LHFPL3: variants seen among roughly 807,000 people sequenced by gnomAD.
LHFPL3 encodes LHFPL tetraspan subfamily member 3.
A neutral mutation model predicts 19.3 loss-of-function variants in LHFPL3; 5 were observed. That is an observed-to-expected ratio of 0.26 (90% CI 0.14 to 0.54). LHFPL3 has a LOEUF of 0.54. Among genes scored for constraint, LHFPL3 ranks in the 20% least tolerant of loss-of-function variants. LHFPL3 has a pLI of 0.94. For synonymous variants in LHFPL3, 133 were observed against 126.2 expected, an observed-to-expected ratio of 1.05 and a Z score of -0.36; for missense variants, 249 against 307.4, an observed-to-expected ratio of 0.81 and a Z score of 1.42.
At chr7:104,814,642 C>T (rs74471943) in intron 2 of LHFPL3, among the ~76,000 whole-genome samples, 2 of 152,202 alleles carry the variant, frequency 1.3e-5, no homozygotes, top group East Asian at 1.9e-4. Flanking sequence ...CCTTTCATGA[C>T]ATCCAGGCTA....
intron 2 of LHFPL3, among the ~76,000 whole-genome samples, chr7:104,800,358 A>G (rs1484337838): frequency 6.6e-6 from 1 of 152,160 alleles, no homozygotes; most frequent in Admixed American, 6.6e-5. Flanking sequence ...TCTGGAGAGT[A>G]AGTGCGATCT....
intron 2 of LHFPL3, among the ~76,000 whole-genome samples, chr7:104,842,630 C>T (rs1420780194): frequency 1.3e-5 from 2 of 152,140 alleles, no homozygotes; most frequent in Admixed American, 6.6e-5. Context: ...AAAATAATGA[C>T]CTTCTTCATC....
In LHFPL3 at chr7:104,399,079, T is replaced by A. The variant is rs1382169093; in HGVS notation, c.445+69855T>A. Among the ~76,000 whole-genome samples the A allele has an allele frequency of 1.3e-5, 2 of 152,142 alleles. No homozygotes were observed. Among genetic ancestry groups the A allele is most frequent in the Non-Finnish European group, 2.9e-5 (2 of 68,018 alleles). The stretch of plus-strand genomic sequence containing the variant: ...GGGCAAACGCTAGTTTCCAGAAAGT[T>A]CCTGTGTGCTACTGAAAGACACACA... On this transcript the variant is annotated intron_variant, in intron 1 of 2. Coordinates refer to ENST00000424859, the MANE Select transcript of LHFPL3 (RefSeq NM_199000.3). This position sits in a 1 kb window ranked among gnomAD's most constrained non-coding sequence, Gnocchi z 4.4.
rs181636213 is a variant in LHFPL3, at chr7:104,851,185, G to A, written c.683-55002G>A. On this transcript the variant is annotated intron_variant, in intron 2 of 2. Coordinates refer to ENST00000424859, the MANE Select transcript of LHFPL3 (RefSeq NM_199000.3). ...CATTAGTTTTTGCTCCCCTTGTAAGGAACATCTCAGTAGTATCTGCATCAT... is the reference window on the plus strand; with the variant it reads ...CATTAGTTTTTGCTCCCCTTGTAAGAAACATCTCAGTAGTATCTGCATCAT... 3.3e-3 allele frequency among the ~76,000 whole-genome samples: 499 copies of A among 152,294 alleles called. 2 individuals carry two copies. The highest frequency in any genetic ancestry group is 5.6e-3 in the Non-Finnish European group (378 of 68,026).
chr7:104,364,645 C>CA (rs1491121390), intron 1 of LHFPL3, among the ~76,000 whole-genome samples: 2 of 152,170 alleles, frequency 1.3e-5, no homozygotes, highest in Admixed American at 1.3e-4. Flanking sequence ...GAAAGGGAAT[C>CA]ACATCATGGT....
At chr7:104,447,443 A>G (rs1048132781) in intron 1 of LHFPL3, among the ~76,000 whole-genome samples, 5 of 152,230 alleles carry the variant, frequency 3.3e-5, no homozygotes, top group African/African-American at 9.6e-5. Flanking sequence ...GAGTGATTCA[A>G]TTACTATACA....
At chr7:104,755,305 A>G (rs1367793401) in intron 2 of LHFPL3, among the ~76,000 whole-genome samples, 1 of 151,588 alleles carries the variant, frequency 6.6e-6, no homozygotes, top group African/African-American at 2.4e-5. Flanking sequence ...GCTGGACCAT[A>G]TACCCCATAC....
intron 1 of LHFPL3, among the ~76,000 whole-genome samples, chr7:104,732,773 A>C (rs113757755): frequency 0.02 from 3,060 of 151,948 alleles, 57 homozygotes; most frequent in East Asian, 0.055. Flanking sequence ...CTAGCTTTTG[A>C]ATGTGTTTGC....
chr7:104,757,554 A>ACTT (rs1794308414), intron 2 of LHFPL3: 1 of 152,208 alleles, frequency 6.6e-6, no homozygotes, highest in South Asian at 2.1e-4. Context: ...ATGAACAGAC[A>ACTT]CTTCTCAAAA....
At chr7:104,675,497 G>A (rs1223592708) in intron 1 of LHFPL3, among the ~76,000 whole-genome samples, 2 of 152,162 alleles carry the variant, frequency 1.3e-5, no homozygotes, top group South Asian at 2.1e-4. Context: ...GGCTTAATAC[G>A]TAAAAGGATC....
At chr7:104,413,374 C>A (rs1244752934) in intron 1 of LHFPL3, among the ~76,000 whole-genome samples, 1 of 152,216 alleles carries the variant, frequency 6.6e-6, no homozygotes, top group African/African-American at 2.4e-5. Flanking sequence ...TTCTCTGAAT[C>A]TTCACCATCC....
At chr7:104,588,208 T>A (rs1198910053) in intron 1 of LHFPL3, among the ~76,000 whole-genome samples, 1 of 152,212 alleles carries the variant, frequency 6.6e-6, no homozygotes, top group Non-Finnish European at 1.5e-5. Flanking sequence ...ATGTCCTGAA[T>A]GGTATTGCCT....
chr7:104,729,379 C>G (rs544736198), intron 1 of LHFPL3, among the ~76,000 whole-genome samples: 7 of 151,676 alleles, frequency 4.6e-5, no homozygotes, highest in Admixed American at 2.0e-4. Flanking sequence ...ATTCAAAATC[C>G]TCTCTTCTCT....
intron 1 of LHFPL3, among the ~76,000 whole-genome samples, chr7:104,635,836 A>G (rs1307050121): frequency 6.6e-6 from 1 of 152,054 alleles, no homozygotes; most frequent in Admixed American, 6.6e-5. Flanking sequence ...TCAAAGATGC[A>G]ATAGAAAGCT....
At chr7:104,755,635 G>A (rs1198234934) in intron 2 of LHFPL3, among the ~76,000 whole-genome samples, 1 of 151,594 alleles carries the variant, frequency 6.6e-6, no homozygotes, top group African/African-American at 2.4e-5. Flanking sequence ...AATGGAAGAA[G>A]CCCCAGTGAC....
intron 1 of LHFPL3, among the ~76,000 whole-genome samples, chr7:104,406,712 C>T (rs764960782): frequency 6.6e-6 from 1 of 152,218 alleles, no homozygotes; most frequent in Non-Finnish European, 1.5e-5. Context: ...TCATGCCTGA[C>T]ATGACTGGTG....
rs1791262760 is a variant in LHFPL3, at chr7:104,399,368, T to TC, written c.445+70147dup. ...TTTACTATTGCTCTGATAATTTTTT[T>TC]CCCATTTATCCTGTAACTGGATGGG... On this transcript the variant is annotated intron_variant, in intron 1 of 2. Transcript: ENST00000424859. The surrounding 1 kb of genome is among the most constrained non-coding windows in gnomAD (Gnocchi z 4.4). Among the ~76,000 whole-genome samples, 1 of 152,198 alleles carries TC rather than the reference T, an allele frequency of 6.6e-6. No individual in the cohort carries two copies. The highest frequency in any genetic ancestry group is 1.5e-5 in the Non-Finnish European group (1 of 68,032).
intron 2 of LHFPL3, among the ~76,000 whole-genome samples, chr7:104,871,877 C>T (rs1447708643): frequency 6.6e-6 from 1 of 151,842 alleles, no homozygotes; most frequent in East Asian, 1.9e-4. Context: ...AGGCTGGTCT[C>T]GAACTCCTGA....
chr7:104,445,837 T>G (rs917206294), intron 1 of LHFPL3, among the ~76,000 whole-genome samples: 7 of 152,172 alleles, frequency 4.6e-5, no homozygotes, highest in African/African-American at 1.7e-4. Context: ...TATCTCAACA[T>G]CTCTCCTGCA....
Sources: gnomAD v4.1 joint callset for allele counts (sites outside exome capture counted in the v4.1 genomes callset) on GRCh38, gnomAD v4.1.1 for gene constraint, Gnocchi (gnomAD v3.1) non-coding constraint, MANE v1.5 for transcripts, NCBI Gene and HGNC (gene_info 2026-07-23, HGNC 2026-07-21) for gene names.